ESPN: variants seen among roughly 807,000 people sequenced by gnomAD.
The protein encoded by ESPN is espin.
Under a neutral mutation model 77.7 loss-of-function variants are expected in ESPN, and 68 were observed. The observed-to-expected ratio is 0.87, with a 90% CI of 0.72 to 1.07. ESPN has a LOEUF of 1.07. Among genes scored for constraint, ESPN ranks in the 50% least tolerant of loss-of-function variants. The pLI is 0.00. For synonymous variants in ESPN, 449 were observed against 567.1 expected (o/e 0.79, Z 2.96); for missense variants, 1,060 against 1,239.0 (o/e 0.86, Z 2.17).
Position 6,448,975 on chromosome 1 carries a change from C to T in ESPN, c.1799C>T (p.Pro600Leu). 8 of 1,429,620 alleles carry T rather than the reference C, an allele frequency of 5.6e-6. No individual in the cohort carries two copies. Among genetic ancestry groups the T allele is most frequent in the Non-Finnish European group, 7.3e-6 (8 of 1,097,974 alleles). 88.6% of individuals were successfully genotyped at this position (1,429,620 alleles called of 1,614,324 possible). A position where few individuals can be genotyped will look rare whatever the true frequency, so the allele number is the denominator to read the frequency against. ...TCCAGGGAGCTGCCACCGCCGCCCC[C>T]ACCGCCGCCGCCGCCCCTGCCGGAG... The part of the protein sequence containing the change: ...KASRELPPPP[P>L]PPPPPLPEAA... Residue 600 changes from proline (P) to leucine (L), a missense_variant, in exon 8 of 13, where the codon CCA (proline) becomes CTA (leucine). Physicochemically the swap from Pro to Leu is moderately conservative, Grantham distance 98. Transcript: ENST00000645284.
chr1:6,453,985 A>G (rs370088938), intron 10 of ESPN, among the ~76,000 whole-genome samples: 240 of 152,284 alleles, frequency 1.6e-3, no homozygotes, highest in African/African-American at 5.3e-3. Flanking sequence ...AGGGAGCGGG[A>G]AGGCTTGGGC....
chr1:6,429,061 G>A (rs922627470), intron 2 of ESPN, among the ~76,000 whole-genome samples: 1 of 149,162 alleles, frequency 6.7e-6, no homozygotes, highest in African/African-American at 2.4e-5. Context: ...TGGGGTGGGG[G>A]GTCACACAGA....
At chr1:6,455,681 C>T (rs1245574445) in intron 10 of ESPN, 6 of 399,004 alleles carry the variant, frequency 1.5e-5, no homozygotes, top group Non-Finnish European at 2.7e-5. Context: ...TCGAGATGGG[C>T]CTGAGCCGCG....
intron 6 of ESPN, among the ~76,000 whole-genome samples, chr1:6,445,256 GC>G (rs879455324): frequency 6.6e-6 from 1 of 152,352 alleles, no homozygotes; most frequent in Middle Eastern, 3.4e-3. Context: ...CCCTGACCGT[GC>G]CCTGAGCATG....
intron 5 of ESPN, among the ~76,000 whole-genome samples, chr1:6,443,608 G>A (rs113038632): frequency 2.0e-5 from 3 of 152,364 alleles, no homozygotes; most frequent in African/African-American, 7.2e-5. Context: ...CCCAGCTGCG[G>A]CAGGGACAGA....
chr1:6,428,740 C>A lies in ESPN; in HGVS notation c.488+321C>A, dbSNP rs1643132721. Among the ~76,000 whole-genome samples the A allele has an allele frequency of 2.0e-5, 3 of 152,206 alleles. 1 individual carries two copies. In the South Asian group the frequency reaches 6.2e-4, roughly 31 times the overall value. ...TGTTCCCCTTGGGCTGCTTCTGCCG[C>A]AGGGGCTCTCTCTGGCTCAGGCTGT... On this transcript the variant is annotated intron_variant, in intron 2 of 12. Coordinates refer to ENST00000645284, the MANE Select transcript of ESPN (RefSeq NM_031475.3). The surrounding 1 kb of genome is among the most constrained non-coding windows in gnomAD (Gnocchi z 5.4).
Position 6,428,145 on chromosome 1 carries a change from C to T in ESPN, c.295-81C>T, listed in dbSNP as rs1455710344. ...AGAGAGCACAGAGCTACCTTCCAGG[C>T]CTGTGGGAGTCTGGGAGTGGCCCAA... On this transcript the variant is annotated intron_variant, in intron 1 of 12. Transcript: ENST00000645284. The surrounding 1 kb of genome is among the most constrained non-coding windows in gnomAD (Gnocchi z 5.4). 2.8e-6 allele frequency: 4 copies of T among 1,431,640 alleles called. No individual in the cohort carries two copies. Among genetic ancestry groups the T allele is most frequent in the Non-Finnish European group, 3.9e-6 (4 of 1,016,260 alleles). The allele number at this position is 1,431,640 out of a possible 1,614,324, so 88.7% of individuals were successfully genotyped here.
At chr1:6,445,185 C>A (rs1307198685) in intron 6 of ESPN, among the ~76,000 whole-genome samples, 1 of 152,212 alleles carries the variant, frequency 6.6e-6, no homozygotes, top group African/African-American at 2.4e-5. Flanking sequence ...AATGCGTACC[C>A]CCTCAAACAT....
At chr1:6,459,234 C>G (rs1347569412) in intron 12 of ESPN, among the ~76,000 whole-genome samples, 1 of 144,090 alleles carries the variant, frequency 6.9e-6, no homozygotes, top group East Asian at 2.0e-4. Context: ...GAGCGAGACT[C>G]TGTCTCAATT....
chr1:6,451,024 A>G lies in ESPN; in HGVS notation c.1916-579A>G, dbSNP rs9434773. Among the ~76,000 whole-genome samples the G allele has an allele frequency of 0.3, 45,569 of 152,118 alleles. 11,015 individuals are homozygous for G. Among genetic ancestry groups the G allele is most frequent in the African/African-American group, 0.67 (27,989 of 41,466 alleles). On this transcript the variant is annotated intron_variant, in intron 8 of 12. Coordinates refer to ENST00000645284, the MANE Select transcript of ESPN (RefSeq NM_031475.3). The surrounding 1 kb of genome is among the most constrained non-coding windows in gnomAD (Gnocchi z 4.3). ...CCCTAGAGCTGAGCCATGCTTTGCC[A>G]TAAAGGTGCTCCCGGCTTGCAACCA...
At chr1:6,449,211 C>T (rs889507515) in intron 8 of ESPN, 120 bp downstream of exon 8, 46 of 1,034,854 alleles carry the variant, frequency 4.4e-5, no homozygotes, top group Non-Finnish European at 5.7e-5. Flanking sequence ...ACATGGTCTT[C>T]CGGCCACCCC....
chr1:6,457,049 C>T (rs1400571958), intron 10 of ESPN, 135 bp from the exon 11 acceptor site: 14 of 892,036 alleles, frequency 1.6e-5, no homozygotes, highest in Non-Finnish European at 2.4e-5. Flanking sequence ...GACCAGGCAC[C>T]TCCATCCACT....
At chr1:6,445,604 G>C in intron 6 of ESPN, 60 bp from the exon 7 acceptor site, 1 of 1,578,968 alleles carries the variant, frequency 6.3e-7, no homozygotes, top group Non-Finnish European at 8.6e-7. Flanking sequence ...GAGAGTCTCA[G>C]TCTTGGGGGA....
intron 2 of ESPN, among the ~76,000 whole-genome samples, chr1:6,435,766 C>T (rs1315359163): frequency 1.3e-5 from 2 of 152,220 alleles, no homozygotes; most frequent in African/African-American, 4.8e-5. Context: ...TCCAGGCCAG[C>T]CATAGACCCT....
At chr1:6,443,557 T>C (rs2148523934) in intron 5 of ESPN, among the ~76,000 whole-genome samples, 1 of 152,322 alleles carries the variant, frequency 6.6e-6, no homozygotes, top group South Asian at 2.1e-4. Flanking sequence ...TCCCCTGGAA[T>C]GGGTGGAGTA....
Position 6,441,943 on chromosome 1 carries a change from C to T in ESPN, c.990+878C>T, listed in dbSNP as rs1569659057. On this transcript the variant is annotated intron_variant, in intron 5 of 12. Transcript: ENST00000645284. ...CCAGAGGCCAGAGGCTGCAGGGGGG[C>T]CTGAGGATGAACTTCCCCCCGCGAA... is the stretch of plus-strand genomic sequence containing the variant. Among the ~76,000 whole-genome samples, 3 of 152,160 alleles carry T rather than the reference C, an allele frequency of 2.0e-5. No individual in the cohort carries two copies. In the South Asian group the frequency reaches 6.2e-4, roughly 32 times the overall value.
Position 6,424,846 on chromosome 1 carries a change from C to T in ESPN, c.-110C>T. On this transcript the variant is annotated 5_prime_UTR_variant, in exon 1 of 13. Transcript: ENST00000645284. ...GGCCCACAGCCGCTCCGCCTCCCGGCCCGCAGATCCCCGACGGCCGCACCG... is the reference window on the plus strand; with the variant it reads ...GGCCCACAGCCGCTCCGCCTCCCGGTCCGCAGATCCCCGACGGCCGCACCG... 8.9e-7 allele frequency: 1 copy of T among 1,117,532 alleles called. No individual in the cohort carries two copies. Among genetic ancestry groups the T allele is most frequent in the Non-Finnish European group, 1.1e-6 (1 of 873,586 alleles). 69.2% of individuals were successfully genotyped at this position (1,117,532 alleles called of 1,614,324 possible).
chr1:6,455,825 C>T (rs1358535669), intron 10 of ESPN: 1 of 398,828 alleles, frequency 2.5e-6, no homozygotes, highest in Non-Finnish European at 4.4e-6. Context: ...GCTGGAGCGA[C>T]GGCTTCGAGG....
At position 6,440,600 on chromosome 1, in the gene ESPN, C is replaced by A. The variant is rs4908552; in HGVS notation, c.676-26C>A. The A allele has an allele frequency of 0.075, 90,099 of 1,206,908 alleles. 4,083 individuals are homozygous for A. The highest frequency in any genetic ancestry group is 0.083 in the South Asian group (6,166 of 74,074). The allele number at this position is 1,206,908 out of a possible 1,614,324, so 74.8% of individuals were successfully genotyped here. ...AGGGGCCTGGCGCCCAGCCCCCGCC[C>A]CCCTCTCCCCGCCCGTCCCGCCCAG... On this transcript the variant is annotated intron_variant, in intron 3 of 12. Coordinates refer to ENST00000645284, the MANE Select transcript of ESPN (RefSeq NM_031475.3).
Sources: allele counts gnomAD v4.1 joint callset (sites outside exome capture counted in the v4.1 genomes callset), GRCh38; gene constraint gnomAD v4.1.1; non-coding constraint Gnocchi (gnomAD v3.1); transcripts MANE v1.5; gene names NCBI Gene and HGNC (gene_info 2026-07-23, HGNC 2026-07-21).